The following PDE4D variants were observed in gnomAD, a reference collection of about 807,000 sequenced individuals.
PDE4D encodes phosphodiesterase 4D, also known as 3',5'-cyclic-AMP phosphodiesterase 4D.
A neutral mutation model predicts 87.4 loss-of-function variants in PDE4D; 24 were observed. That is an observed-to-expected ratio of 0.27 (90% CI 0.20 to 0.39). The LOEUF is 0.39. Among genes scored for constraint, PDE4D ranks in the 10% least tolerant of loss-of-function variants. PDE4D has a pLI of 1.00. For synonymous variants in PDE4D, 384 were observed against 383.2 expected (o/e 1.00, Z -0.02); for missense variants, 714 against 1,041.0 (o/e 0.69, Z 4.32).
In PDE4D at chr5:60,474,194, T is replaced by C. The variant is rs192748654; in HGVS notation, c.-90+13748A>G. ...GCAATTTATAAACAACAGAAATTTA[T>C]TGCTTATAGTTCTGAGAGCTGTGAA... On this transcript the variant is annotated intron_variant, in intron 1 of 16. Transcript: ENST00000502484. Among the ~76,000 whole-genome samples the C allele has an allele frequency of 2.6e-3, 368 of 141,620 alleles. 3 individuals are homozygous for C. The highest frequency in any genetic ancestry group is 9.2e-3 in the African/African-American group (360 of 39,030). The allele number at this position is 141,620 out of a possible 152,430, so 92.9% of individuals were successfully genotyped here.
intron 1 of PDE4D, among the ~76,000 whole-genome samples, chr5:59,395,165 C>A (rs563290611): frequency 6.6e-6 from 1 of 151,698 alleles, no homozygotes; most frequent in African/African-American, 2.4e-5. Flanking sequence ...GGGGCGCCCA[C>A]CATTGTCCAG....
At chr5:59,494,599 C>G (rs909685605) in intron 1 of PDE4D, among the ~76,000 whole-genome samples, 1 of 152,124 alleles carries the variant, frequency 6.6e-6, no homozygotes, top group African/African-American at 2.4e-5. Flanking sequence ...CAAACTTTTG[C>G]AAAAATTTTC....
At chr5:60,452,046 G>A (rs1746136781) in intron 1 of PDE4D, among the ~76,000 whole-genome samples, 1 of 152,104 alleles carries the variant, frequency 6.6e-6, no homozygotes, top group Admixed American at 6.6e-5. Context: ...TTAAGGGATG[G>A]TTCAATTAAC....
chr5:59,231,030 A>G (rs1755066791), intron 1 of PDE4D, among the ~76,000 whole-genome samples: 1 of 152,228 alleles, frequency 6.6e-6, no homozygotes, highest in Admixed American at 6.5e-5. Context: ...TTGTATAATA[A>G]GTACACTGAG....
intron 1 of PDE4D, among the ~76,000 whole-genome samples, chr5:59,669,402 G>A (rs774356758): frequency 4.6e-5 from 7 of 152,258 alleles, no homozygotes; most frequent in South Asian, 4.1e-4. Flanking sequence ...ATGAGTCACC[G>A]TGCCCGGCCT....
chr5:59,306,719 C>A (rs1309139759), intron 1 of PDE4D, among the ~76,000 whole-genome samples: 1 of 148,738 alleles, frequency 6.7e-6, no homozygotes, highest in African/African-American at 2.5e-5. Context: ...AGGATACAAA[C>A]AAATGGAAGA....
intron 1 of PDE4D, among the ~76,000 whole-genome samples, chr5:59,806,071 G>A (rs1320445563): frequency 6.6e-6 from 1 of 151,686 alleles, no homozygotes; most frequent in East Asian, 1.9e-4. Context: ...TTTCTGTTTC[G>A]TTATCTCAGA....
intron 1 of PDE4D, among the ~76,000 whole-genome samples, chr5:59,443,265 GA>G (rs965716851): frequency 2.6e-5 from 4 of 151,858 alleles, no homozygotes; most frequent in South Asian, 2.1e-4. Context: ...CAGAATGCCT[GA>G]AAAAAAATTG....
chr5:59,803,392 G>A (rs760245776), intron 1 of PDE4D, among the ~76,000 whole-genome samples: 1 of 149,368 alleles, frequency 6.7e-6, no homozygotes. Context: ...TCCGCCCCCC[G>A]GGTTCAAGCG....
At chr5:59,880,406 G>C (rs1273053661) in intron 1 of PDE4D, among the ~76,000 whole-genome samples, 1 of 152,126 alleles carries the variant, frequency 6.6e-6, no homozygotes, top group Admixed American at 6.5e-5. Context: ...CACTGTGCCT[G>C]GCCTGAAATT....
At chr5:60,121,211 A>C (rs992721394) in intron 2 of PDE4D, among the ~76,000 whole-genome samples, 2 of 151,670 alleles carry the variant, frequency 1.3e-5, no homozygotes, top group Admixed American at 6.6e-5. Flanking sequence ...ATATATATAT[A>C]TCTCCTATTA....
intron 3 of PDE4D, among the ~76,000 whole-genome samples, chr5:59,971,493 G>T (rs1554125461): frequency 6.6e-6 from 1 of 152,100 alleles, no homozygotes; most frequent in Non-Finnish European, 1.5e-5. Flanking sequence ...GAGACATGCA[G>T]TTTATAATGT....
chr5:59,787,589 A>G (rs917704368), intron 1 of PDE4D, among the ~76,000 whole-genome samples: 3 of 152,178 alleles, frequency 2.0e-5, no homozygotes, highest in African/African-American at 4.8e-5. Flanking sequence ...TGAAGGATAG[A>G]TGGACAGATA....
chr5:59,413,794 T>G (rs572058516), intron 1 of PDE4D, among the ~76,000 whole-genome samples: 1 of 152,298 alleles, frequency 6.6e-6, no homozygotes, highest in Admixed American at 6.5e-5. Context: ...GTCTAGAGTC[T>G]TCATAGATAA....
intron 1 of PDE4D, chr5:60,460,637 T>C: frequency 1.7e-6 from 2 of 1,210,572 alleles, no homozygotes; most frequent in East Asian, 4.7e-5. Context: ...TCTCCCTTCC[T>C]CAGCAAGCCT....
chr5:59,357,453 C>T (rs1781568168), intron 1 of PDE4D, among the ~76,000 whole-genome samples: 1 of 152,094 alleles, frequency 6.6e-6, no homozygotes, highest in Non-Finnish European at 1.5e-5. Flanking sequence ...ACAGGATTTA[C>T]TCGTCTTGAA....
At chr5:59,368,320 G>A (rs1302802697) in intron 1 of PDE4D, among the ~76,000 whole-genome samples, 1 of 152,112 alleles carries the variant, frequency 6.6e-6, no homozygotes, top group Non-Finnish European at 1.5e-5. Context: ...AATGAAAATT[G>A]AAAAATTGAA....
At chr5:59,690,973 T>C (rs1750809294) in intron 1 of PDE4D, among the ~76,000 whole-genome samples, 1 of 152,180 alleles carries the variant, frequency 6.6e-6, no homozygotes, top group African/African-American at 2.4e-5. Context: ...GAAAAAATGC[T>C]CATCATCACT....
chr5:59,388,652 C>A (rs1008941491), intron 1 of PDE4D, among the ~76,000 whole-genome samples: 1 of 151,700 alleles, frequency 6.6e-6, no homozygotes, highest in Non-Finnish European at 1.5e-5. Flanking sequence ...CACACACTCA[C>A]ACACTAGAAT....
Sources: allele counts gnomAD v4.1 joint callset (sites outside exome capture counted in the v4.1 genomes callset), GRCh38; gene constraint gnomAD v4.1.1; transcripts MANE v1.5; gene names NCBI Gene and HGNC (gene_info 2026-07-23, HGNC 2026-07-21).